Variants in YAP1 observed in about 807,000 individuals in gnomAD.
YAP1 encodes Yes1 associated transcriptional regulator.
YAP1 carries 5 observed loss-of-function variants against 56.9 expected under a neutral mutation model. The ratio of observed to expected loss-of-function variants is 0.09; its 90% CI spans 0.05 to 0.18. YAP1 has a LOEUF of 0.18. Among genes scored for constraint, YAP1 ranks in the 10% least tolerant of loss-of-function variants. The pLI, the probability that YAP1 is intolerant of heterozygous loss-of-function variation, is 1.00. For synonymous variants in YAP1, 265 were observed against 248.1 expected, an observed-to-expected ratio of 1.07 and a Z score of -0.64; for missense variants, 539 against 651.8, an observed-to-expected ratio of 0.83 and a Z score of 1.88.
In YAP1 at chr11:102,232,339, CTTTAATAAAGACTTGTCTTACACCG is replaced by C. The variant is rs1950461860; in HGVS notation, c.*2401_*2425del. 1 of 151,880 alleles carries C rather than the reference CTTTAATAAAGACTTGTCTTACACCG, an allele frequency of 6.6e-6. No individual in the cohort carries two copies. Among genetic ancestry groups the C allele is most frequent in the South Asian group, 2.1e-4 (1 of 4,822 alleles). 9.4% of individuals were successfully genotyped at this position (151,880 alleles called of 1,614,324 possible). ...TAGAGAACTTTATAAACTTCTTTCT[CTTTAATAAAGACTTGTCTTACACCG>C]TGCTGCCATTAAAGGCAGCTGTTCT... On this transcript the variant is annotated 3_prime_UTR_variant, in exon 9 of 9. Transcript: ENST00000282441.
intron 2 of YAP1, among the ~76,000 whole-genome samples, chr11:102,123,094 TTTTC>T (rs1427422178): frequency 2.0e-5 from 3 of 152,146 alleles, no homozygotes; most frequent in African/African-American, 7.2e-5. Flanking sequence ...CTCAAAATCC[TTTTC>T]TTTAATCCTC....
intron 4 of YAP1, among the ~76,000 whole-genome samples, chr11:102,189,005 G>A (rs559082105): frequency 3.4e-4 from 52 of 152,144 alleles, no homozygotes; most frequent in African/African-American, 1.2e-3. Flanking sequence ...ATCATGAAGT[G>A]ACATCAGATG....
At chr11:102,229,636 CAT>C in intron 8 of YAP1, 64 bp from the exon 9 acceptor site, 2 of 1,450,056 alleles carry the variant, frequency 1.4e-6, no homozygotes, top group Non-Finnish European at 1.9e-6. Flanking sequence ...TCTCTGTGCT[CAT>C]ATGATACAGC....
intron 2 of YAP1, among the ~76,000 whole-genome samples, chr11:102,151,063 C>T (rs181286170): frequency 1.6e-4 from 25 of 151,988 alleles, no homozygotes; most frequent in Admixed American, 2.0e-4. Flanking sequence ...TGCCTGACCC[C>T]GTGATTTGCC....
At chr11:102,143,366 A>G (rs560479679) in intron 2 of YAP1, among the ~76,000 whole-genome samples, 1 of 152,310 alleles carries the variant, frequency 6.6e-6, no homozygotes, top group Admixed American at 6.5e-5. Context: ...TGATGTATCC[A>G]TCCACTTACC....
In YAP1 at chr11:102,206,205, A is replaced by C. The variant is rs764806912; in HGVS notation, c.984+131A>C. The C allele has an allele frequency of 4.5e-6, 5 of 1,108,512 alleles. No individual in the cohort carries two copies. In the African/African-American group the frequency reaches 7.9e-5, roughly 18 times the overall value. The allele number at this position is 1,108,512 out of a possible 1,614,324, so 68.7% of individuals were successfully genotyped here. A position where few individuals can be genotyped will look rare whatever the true frequency, so the allele number is the denominator to read the frequency against. ...TTGTAAAACTGAGTGACACAGAAGC[A>C]TTCTATCCAGCCCTGTCCTTGTCTT... is the stretch of plus-strand genomic sequence containing the variant. On this transcript the variant is annotated intron_variant, in intron 5 of 8. Transcript: ENST00000282441.
chr11:102,118,122 AATTTG>A (rs1210224962), intron 2 of YAP1, among the ~76,000 whole-genome samples: 7 of 152,196 alleles, frequency 4.6e-5, no homozygotes, highest in African/African-American at 1.7e-4. Context: ...AGGACCTTAT[AATTTG>A]ATTTAAGGAA....
At chr11:102,121,953 A>G (rs1943681360) in intron 2 of YAP1, among the ~76,000 whole-genome samples, 1 of 152,078 alleles carries the variant, frequency 6.6e-6, no homozygotes, top group South Asian at 2.1e-4. Flanking sequence ...ATCCACCACC[A>G]TGCCTGGCTA....
chr11:102,194,241 C>G (rs987106061), intron 4 of YAP1, among the ~76,000 whole-genome samples: 17 of 152,144 alleles, frequency 1.1e-4, no homozygotes, highest in African/African-American at 4.1e-4. Context: ...CCCAAAGATT[C>G]AGATGTAAGA....
At chr11:102,144,329 A>AGT (rs1945195523) in intron 2 of YAP1, among the ~76,000 whole-genome samples, 1 of 152,238 alleles carries the variant, frequency 6.6e-6, no homozygotes, top group African/African-American at 2.4e-5. Context: ...ATAGGAGTAA[A>AGT]GTACATATTC....
Position 102,227,623 on chromosome 11 carries a change from G to C in YAP1, c.1276+42G>C, listed in dbSNP as rs3858420. 0.35 allele frequency: 465,894 copies of C among 1,349,528 alleles called. 82,475 individuals are homozygous for C. The highest frequency in any genetic ancestry group is 0.47 in the African/African-American group (32,700 of 69,656). 83.6% of individuals were successfully genotyped at this position (1,349,528 alleles called of 1,614,324 possible). ...CCTCTTAGTAACCTGACTTAACAGT[G>C]GGATATGTTATCACCAGGTCTCATA... On this transcript the variant is annotated intron_variant, in intron 8 of 8. Coordinates refer to ENST00000282441, the MANE Select transcript of YAP1 (RefSeq NM_001130145.3).
chr11:102,201,920 A>G (rs151062975), intron 4 of YAP1, among the ~76,000 whole-genome samples: 145 of 152,246 alleles, frequency 9.5e-4, no homozygotes, highest in African/African-American at 3.3e-3. Flanking sequence ...AATTTGGGGC[A>G]GGGAATATAC....
intron 3 of YAP1, among the ~76,000 whole-genome samples, chr11:102,178,207 C>T (rs1405871921): frequency 4.6e-5 from 7 of 152,122 alleles, no homozygotes; most frequent in Non-Finnish European, 1.0e-4. Flanking sequence ...ACCAGAATTT[C>T]AAAACAAGCA....
intron 2 of YAP1, among the ~76,000 whole-genome samples, chr11:102,144,168 T>C (rs1945186773): frequency 6.6e-6 from 1 of 152,148 alleles, no homozygotes; most frequent in African/African-American, 2.4e-5. Context: ...GAGAAACCAA[T>C]GTTTAATGAA....
chr11:102,213,106 T>A (rs1308944167), intron 6 of YAP1, among the ~76,000 whole-genome samples: 1 of 152,200 alleles, frequency 6.6e-6, no homozygotes, highest in East Asian at 1.9e-4. Context: ...CTAGCTTCTG[T>A]TTTAAGGTCT....
Position 102,209,692 on chromosome 11 carries a change from C to CT in YAP1, c.1032+131dup. ...AGCCCAGAGAATAACTTTGAGCCAT[C>CT]TTTCTACCAAGATACTCAGGTTAAC... On this transcript the variant is annotated intron_variant, in intron 6 of 8. Transcript: ENST00000282441. 3.6e-6 allele frequency: 3 copies of CT among 844,604 alleles called. No homozygotes were observed. In the South Asian group the frequency reaches 6.9e-5, roughly 19 times the overall value. The allele number at this position is 844,604 out of a possible 1,614,324, so 52.3% of individuals were successfully genotyped here.
chr11:102,158,501 G>A (rs1306861060), intron 2 of YAP1, among the ~76,000 whole-genome samples: 2 of 152,142 alleles, frequency 1.3e-5, no homozygotes, highest in Non-Finnish European at 2.9e-5. Flanking sequence ...CAGTGGGTTG[G>A]GTGGAGCCTG....
intron 2 of YAP1, among the ~76,000 whole-genome samples, chr11:102,122,502 T>A (rs1943720688): frequency 6.6e-6 from 1 of 152,136 alleles, no homozygotes; most frequent in Admixed American, 6.5e-5. Flanking sequence ...AACCTTGTTT[T>A]CATAGCCTGT....
At chr11:102,155,365 T>C (rs1266266731) in intron 2 of YAP1, among the ~76,000 whole-genome samples, 1 of 152,192 alleles carries the variant, frequency 6.6e-6, no homozygotes, top group Non-Finnish European at 1.5e-5. Context: ...ACATTACGTA[T>C]AGAATATGTA....
Sources: allele counts gnomAD v4.1 joint callset (sites outside exome capture counted in the v4.1 genomes callset), GRCh38; gene constraint gnomAD v4.1.1; transcripts MANE v1.5; gene names NCBI Gene and HGNC (gene_info 2026-07-23, HGNC 2026-07-21).